GRM6: variants seen among roughly 807,000 people sequenced by gnomAD.
GRM6 encodes metabotropic glutamate receptor 6.
In GRM6, 73 loss-of-function variants were observed where a neutral mutation model predicts 78.4. That is an observed-to-expected ratio of 0.93 (90% CI 0.77 to 1.13). The LOEUF is 1.13. Among genes scored for constraint, GRM6 ranks in the 50% most tolerant of loss-of-function variants. The pLI is 0.00. For synonymous variants in GRM6, 580 were observed against 555.0 expected, an observed-to-expected ratio of 1.05 and a Z score of -0.63; for missense variants, 1,251 against 1,256.4, an observed-to-expected ratio of 1.00 and a Z score of 0.07.
intron 10 of GRM6, 115 bp downstream of exon 10, chr5:178,982,795 C>A: frequency 1.3e-6 from 1 of 750,626 alleles, no homozygotes; most frequent in South Asian, 1.5e-5. Flanking sequence ...AGTGAATGAA[C>A]AAGCAGCCAG....
chr5:178,984,803 C>T (rs541870553), intron 9 of GRM6, among the ~76,000 whole-genome samples: 34 of 152,216 alleles, frequency 2.2e-4, no homozygotes, highest in African/African-American at 5.8e-4. Context: ...AGAAGGGGCT[C>T]GCCGGGAGTG....
chr5:178,990,297 T>G (rs1321533848), intron 5 of GRM6, among the ~76,000 whole-genome samples: 1 of 152,040 alleles, frequency 6.6e-6, no homozygotes, highest in East Asian at 1.9e-4. Context: ...ACCCTCACCC[T>G]CAGATTAGAA....
chr5:178,986,498 C>T lies in GRM6; in HGVS notation c.1756G>A (p.Ala586Thr), dbSNP rs780206623. The change falls in exon 9 of 11, where the codon GCA becomes ACA. Residue 586 changes from alanine (A) to threonine (T), a missense_variant. Physicochemically the swap from Ala to Thr is moderately conservative, Grantham distance 58. Coordinates refer to ENST00000517717, the MANE Select transcript of GRM6 (RefSeq NM_000843.4). Reference sequence around the variant, plus strand: ...ACGGCCAGGAGGAGCGGCGGGGCTGCCCAGGGGGAGGACCAGCTCAGGCGC... The same window carrying T: ...ACGGCCAGGAGGAGCGGCGGGGCTGTCCAGGGGGAGGACCAGCTCAGGCGC... ...VVRLSWSSPW[A>T]APPLLLAVLG... 10 of 1,609,666 alleles carry T rather than the reference C, an allele frequency of 6.2e-6. No individual in the cohort carries two copies. The South Asian group carries it at 9.9e-5, about 16-fold the overall frequency.
Position 178,991,905 on chromosome 5 carries a change from C to CT in GRM6, c.682dup (p.Ser228LysfsTer4). On this transcript the variant is annotated frameshift_variant, in exon 3 of 11. Transcript: ENST00000517717. LOFTEE classifies it high-confidence loss of function. The surrounding 1 kb of genome is among the most constrained non-coding windows in gnomAD (Gnocchi z 5.0). ...GATCTGAACGAAGGCCTCAACCCCACTTTCGCCATAGTTGCCCTCGGAGGC... is the reference window on the plus strand; with the variant it reads ...GATCTGAACGAAGGCCTCAACCCCACTTTTCGCCATAGTTGCCCTCGGAGGC... 1 of 1,614,148 alleles carries CT rather than the reference C, an allele frequency of 6.2e-7. No individual in the cohort carries two copies.
intron 1 of GRM6, 155 bp downstream of exon 1, chr5:178,995,121 C>T (rs569064932): frequency 6.5e-5 from 17 of 261,848 alleles, no homozygotes; most frequent in Middle Eastern, 1.5e-3. Flanking sequence ...GCCCGGGCCT[C>T]CGTCTCGCTC....
Position 178,994,438 on chromosome 5 carries a change from C to G in GRM6, c.504+3G>C. 1 of 1,492,014 alleles carries G rather than the reference C, an allele frequency of 6.7e-7. No individual in the cohort carries two copies. Among genetic ancestry groups the G allele is most frequent in the Non-Finnish European group, 8.9e-7 (1 of 1,126,838 alleles). The allele number at this position is 1,492,014 out of a possible 1,614,324, so 92.4% of individuals were successfully genotyped here. ...ACACCGAGCCCGGCCCCGCGGCCCT[C>G]ACCGCAAACAGGCGCAGCACGTTGG... On this transcript the variant is annotated splice_donor_region_variant and intron_variant, in intron 2 of 10. Coordinates refer to ENST00000517717, the MANE Select transcript of GRM6 (RefSeq NM_000843.4).
chr5:178,990,448 C>CA (rs1760649632), intron 5 of GRM6, 144 bp downstream of exon 5: 1 of 760,634 alleles, frequency 1.3e-6, no homozygotes, highest in Non-Finnish European at 2.3e-6. Context: ...GACGCGTCCA[C>CA]AGATGATCGG....
At position 178,981,606 on chromosome 5, in the gene GRM6, G is replaced by A; in HGVS notation, c.*51C>T. 2 of 1,411,906 alleles carry A rather than the reference G, an allele frequency of 1.4e-6. No homozygotes were observed. The highest frequency in any genetic ancestry group is 2.0e-6 in the Non-Finnish European group (2 of 998,056). The allele number at this position is 1,411,906 out of a possible 1,614,324, so 87.5% of individuals were successfully genotyped here. A position where few individuals can be genotyped will look rare whatever the true frequency, so the allele number is the denominator to read the frequency against. ...GGCTCTATACAGCTTCCACCTCGAGGCAAGAGGAAGAAAGGAGAGGCAGCA... is the reference window on the plus strand; with the variant it reads ...GGCTCTATACAGCTTCCACCTCGAGACAAGAGGAAGAAAGGAGAGGCAGCA... On this transcript the variant is annotated 3_prime_UTR_variant, in exon 11 of 11. Coordinates refer to ENST00000517717, the MANE Select transcript of GRM6 (RefSeq NM_000843.4). The surrounding 1 kb of genome is among the most constrained non-coding windows in gnomAD (Gnocchi z 5.1).
intron 5 of GRM6, among the ~76,000 whole-genome samples, chr5:178,990,373 C>T (rs1760648196): frequency 6.6e-6 from 1 of 152,254 alleles, no homozygotes; most frequent in Non-Finnish European, 1.5e-5. Flanking sequence ...CCAACAATTC[C>T]TCCCCGTCCA....
chr5:178,982,890 C>A lies in GRM6; in HGVS notation c.2436+20G>T. 1.3e-6 allele frequency: 2 copies of A among 1,583,728 alleles called. No individual in the cohort carries two copies. Among genetic ancestry groups the A allele is most frequent in the South Asian group, 2.2e-5 (2 of 90,526 alleles). ...GACAGGCAGGAAACAGGCAGCGAGA[C>A]CTCCTGGGGACCTCATTACCTTTTC... is the stretch of plus-strand genomic sequence containing the variant. On this transcript the variant is annotated intron_variant, in intron 10 of 10. Coordinates refer to ENST00000517717, the MANE Select transcript of GRM6 (RefSeq NM_000843.4).
intron 9 of GRM6, chr5:178,983,646 T>A: frequency 2.9e-6 from 1 of 343,750 alleles, no homozygotes; most frequent in Non-Finnish European, 5.8e-6. Context: ...TCACGTGTAC[T>A]GAGCTTCAAA....
At chr5:178,983,480 T>C in intron 9 of GRM6, 1 of 671,242 alleles carries the variant, frequency 1.5e-6, no homozygotes, top group South Asian at 1.5e-5. Flanking sequence ...CCGTATATGT[T>C]GGCAACATCA....
rs62638199 is a variant in GRM6, at chr5:178,994,684, G to A, written c.261C>T (p.Pro87=). The A allele has an allele frequency of 1.7e-4, 257 of 1,469,934 alleles. No homozygotes were observed. The highest frequency in any genetic ancestry group is 1.8e-4 in the Non-Finnish European group (201 of 1,113,850). 91.1% of individuals were successfully genotyped at this position (1,469,934 alleles called of 1,614,324 possible). A position where few individuals can be genotyped will look rare whatever the true frequency, so the allele number is the denominator to read the frequency against. ...DRVNADPELL[P]GVRLGARLLD... ...GCAGCCGCGCGCCCAGGCGCACGCC[G>A]GGCAGCAGCTCGGGGTCGGCGTTGA... Residue 87 remains proline (P), a synonymous_variant, in exon 2 of 11, where the codon CCC becomes CCT. Coordinates refer to ENST00000517717, the MANE Select transcript of GRM6 (RefSeq NM_000843.4).
Position 178,986,432 on chromosome 5 carries a change from C to A in GRM6, c.1822G>T (p.Val608Leu). Reference sequence around the variant, plus strand: ...ACGATGGGCGTGTTGTTGTACCGCACGAAGGTGGCCACCACCGTGGTAGTG... The same window carrying A: ...ACGATGGGCGTGTTGTTGTACCGCAAGAAGGTGGCCACCACCGTGGTAGTG... ...VATTTVVATF[V>L]RYNNTPIVRA... Residue 608 changes from valine to leucine, a missense_variant, in exon 9 of 11, where the codon GTG becomes TTG. Transcript: ENST00000517717. The A allele has an allele frequency of 6.2e-7, 1 of 1,613,414 alleles. No individual in the cohort carries two copies. The highest frequency in any genetic ancestry group is 1.1e-5 in the South Asian group (1 of 91,068).
Position 178,986,253 on chromosome 5 carries a change from G to A in GRM6, c.2001C>T (p.Ala667=), listed in dbSNP as rs978235736. The A allele has an allele frequency of 2.5e-6, 4 of 1,614,070 alleles. No homozygotes were observed. In the African/African-American group the frequency reaches 4.0e-5, roughly 16 times the overall value. ...AGATACGGTTGGTCTTGGTGAGCAG[G>A]GCAGAGTAGCTGAGGGTCGTGCCCA... ...LGLGTTLSYS[A]LLTKTNRIYR... The change falls in exon 9 of 11, where the codon GCC becomes GCT. Residue 667 remains alanine (A), a synonymous_variant. Coordinates refer to ENST00000517717, the MANE Select transcript of GRM6 (RefSeq NM_000843.4).
chr5:178,991,205 T>A lies in GRM6; in HGVS notation c.857+219A>T, dbSNP rs73338535. On this transcript the variant is annotated intron_variant, in intron 4 of 10. Coordinates refer to ENST00000517717, the MANE Select transcript of GRM6 (RefSeq NM_000843.4). The surrounding 1 kb of genome is among the most constrained non-coding windows in gnomAD (Gnocchi z 5.0). The stretch of plus-strand genomic sequence containing the variant: ...CCCAGGAGCTGTAAACACAGACACA[T>A]GTTCTGTGCGCTATTCAGTCTGGGC... Among the ~76,000 whole-genome samples, 1,103 of 152,056 alleles carry A rather than the reference T, an allele frequency of 7.3e-3. 17 individuals carry two copies. Among genetic ancestry groups the A allele is most frequent in the African/African-American group, 0.025 (1,048 of 41,462 alleles).
Position 178,989,359 on chromosome 5 carries a change from C to T in GRM6, c.1059G>A (p.Arg353=), listed in dbSNP as rs867124989. The T allele has an allele frequency of 1.2e-6, 2 of 1,613,934 alleles. No homozygotes were observed. The highest frequency in any genetic ancestry group is 1.7e-6 in the Non-Finnish European group (2 of 1,179,854). The change falls in exon 6 of 11, where the codon AGG becomes AGA. Residue 353 remains arginine (R), a synonymous_variant. Transcript: ENST00000517717. ...FMTRSLENNR[R]NIWFAEFWEE... Reference sequence around the variant, plus strand: ...CCCAGAACTCGGCGAACCAGATGTTCCTGCGGTTGTTCTCCAGGGATCGAG... The same window carrying T: ...CCCAGAACTCGGCGAACCAGATGTTTCTGCGGTTGTTCTCCAGGGATCGAG...
In GRM6 at chr5:178,981,918, G is replaced by A. The variant is rs1364860975; in HGVS notation, c.2437-64C>T. On this transcript the variant is annotated intron_variant, in intron 10 of 10. Coordinates refer to ENST00000517717, the MANE Select transcript of GRM6 (RefSeq NM_000843.4). This position sits in a 1 kb window ranked among gnomAD's most constrained non-coding sequence, Gnocchi z 5.1. The stretch of plus-strand genomic sequence containing the variant: ...TGCTCTCCCTGCCCCGCTCCACACA[G>A]TCCTCACCACATACTCTGGAGCTGA... The A allele has an allele frequency of 1.0e-6, 1 of 979,436 alleles. No homozygotes were observed. The highest frequency in any genetic ancestry group is 1.7e-6 in the Non-Finnish European group (1 of 602,144). 60.7% of individuals were successfully genotyped at this position (979,436 alleles called of 1,614,324 possible). A position where few individuals can be genotyped will look rare whatever the true frequency, so the allele number is the denominator to read the frequency against.
intron 5 of GRM6, 106 bp from the exon 6 acceptor site, chr5:178,989,511 G>C: frequency 1.4e-6 from 2 of 1,399,186 alleles, no homozygotes; most frequent in Non-Finnish European, 2.0e-6. Context: ...GGCCAGGTGA[G>C]CTAGGAGTGG....
Sources: allele counts gnomAD v4.1 joint callset (sites outside exome capture counted in the v4.1 genomes callset), GRCh38; gene constraint gnomAD v4.1.1; non-coding constraint Gnocchi (gnomAD v3.1); transcripts MANE v1.5; gene names NCBI Gene and HGNC (gene_info 2026-07-23, HGNC 2026-07-21).